The following ASTN2 variants were observed in gnomAD, a reference collection of about 807,000 sequenced individuals.
ASTN2 encodes the protein astrotactin 2, also known as astrotactin-2.
ASTN2 carries 54 observed loss-of-function variants against 139.8 expected under a neutral mutation model. The ratio of observed to expected loss-of-function variants is 0.39; its 90% CI spans 0.31 to 0.48. The LOEUF (loss-of-function observed/expected upper bound fraction) is 0.48. Among genes scored for constraint, ASTN2 ranks in the 20% least tolerant of loss-of-function variants. The pLI, the probability that ASTN2 is intolerant of heterozygous loss-of-function variation, is 0.95. For missense variants in ASTN2, 1,565 were observed against 1,725.1 expected, an observed-to-expected ratio of 0.91 and a Z score of 1.64; for synonymous variants, 756 against 719.5, an observed-to-expected ratio of 1.05 and a Z score of -0.81.
intron 13 of ASTN2, among the ~76,000 whole-genome samples, chr9:116,758,851 G>T (rs1829599512): frequency 6.6e-6 from 1 of 152,062 alleles, no homozygotes. Flanking sequence ...TGGCTTAGTG[G>T]ACACAAACAC....
chr9:117,005,092 T>TTC, intron 7 of ASTN2, among the ~76,000 whole-genome samples: 1 of 139,286 alleles, frequency 7.2e-6, no homozygotes. Flanking sequence ...TTTTTTTTTT[T>TTC]TTTTTTTTTT....
chr9:116,557,223 C>CAAAAAAAA (rs60756690), intron 19 of ASTN2, among the ~76,000 whole-genome samples: 28 of 53,586 alleles, frequency 5.2e-4, no homozygotes, highest in African/African-American at 9.7e-4. Flanking sequence ...GACTCTGTCT[C>CAAAAAAAA]AAAAAAAAAA....
chr9:116,939,708 G>A (rs1011752760), intron 10 of ASTN2, among the ~76,000 whole-genome samples: 4 of 152,140 alleles, frequency 2.6e-5, no homozygotes, highest in Non-Finnish European at 5.9e-5. Context: ...GCTAGAGAGG[G>A]AAATGAATAC....
chr9:116,924,080 A>G (rs1201483834), intron 10 of ASTN2, among the ~76,000 whole-genome samples: 2 of 152,076 alleles, frequency 1.3e-5, no homozygotes, highest in African/African-American at 4.8e-5. Context: ...AAGCAAAGTG[A>G]AAGCACGTTT....
Position 117,414,835 on chromosome 9 carries a change from A to AGCAGCG in ASTN2, c.98_103dup (p.Pro33_Leu34dup). 8.6e-7 allele frequency: 1 copy of AGCAGCG among 1,161,982 alleles called. No individual in the cohort carries two copies. The highest frequency in any genetic ancestry group is 1.1e-6 in the Non-Finnish European group (1 of 939,126). 72.0% of individuals were successfully genotyped at this position (1,161,982 alleles called of 1,614,324 possible). A position where few individuals can be genotyped will look rare whatever the true frequency, so the allele number is the denominator to read the frequency against. ...CGGCAGCAGGAGCAGGAACAGCAGC[A>AGCAGCG]GCAGCGGCAGCAGTGGCGGCGGCCC... On this transcript the variant is annotated inframe_insertion, in exon 1 of 23. Transcript: ENST00000313400. The surrounding 1 kb of genome is among the most constrained non-coding windows in gnomAD (Gnocchi z 4.2).
At chr9:116,938,111 C>T (rs2132464459) in intron 10 of ASTN2, among the ~76,000 whole-genome samples, 1 of 152,304 alleles carries the variant, frequency 6.6e-6, no homozygotes, top group Middle Eastern at 3.4e-3. Flanking sequence ...TATGAAATGA[C>T]AACTTCTTAA....
Position 117,180,591 on chromosome 9 carries a change from C to A in ASTN2, c.1015+33767G>T. The A allele has an allele frequency of 3.2e-6, 3 of 929,118 alleles. No individual in the cohort carries two copies. The South Asian group carries it at 4.6e-5, about 14-fold the overall frequency. The allele number at this position is 929,118 out of a possible 1,614,324, so 57.6% of individuals were successfully genotyped here. On this transcript the variant is annotated intron_variant, in intron 3 of 22. Transcript: ENST00000313400. The stretch of plus-strand genomic sequence containing the variant: ...AATCATTTATTGACTGCTTACTATG[C>A]ACCGAGCACCATTCTAAACAACTGA...
intron 10 of ASTN2, among the ~76,000 whole-genome samples, chr9:116,871,451 T>C (rs925538960): frequency 6.6e-6 from 1 of 152,170 alleles, no homozygotes; most frequent in Non-Finnish European, 1.5e-5. Context: ...CCTGCCTCTA[T>C]CATAAGTCCC....
intron 16 of ASTN2, 88 bp downstream of exon 16, chr9:116,725,683 T>G (rs567604429): frequency 2.2e-6 from 3 of 1,366,588 alleles, no homozygotes; most frequent in Non-Finnish European, 3.0e-6. Context: ...AGCCAGGATT[T>G]AGATCCAAGG....
intron 7 of ASTN2, among the ~76,000 whole-genome samples, chr9:116,997,576 G>C (rs1042737741): frequency 2.6e-5 from 4 of 152,074 alleles, no homozygotes; most frequent in African/African-American, 9.7e-5. Context: ...GGGAATCCCA[G>C]AATGCCTCTC....
intron 22 of ASTN2, among the ~76,000 whole-genome samples, chr9:116,427,585 T>C (rs1847348007): frequency 6.6e-6 from 1 of 152,242 alleles, no homozygotes. Context: ...GTCCCTCTGA[T>C]ACCACAGGAG....
intron 1 of ASTN2, among the ~76,000 whole-genome samples, chr9:117,376,393 C>T (rs918792100): frequency 2.6e-5 from 4 of 152,150 alleles, no homozygotes; most frequent in African/African-American, 9.7e-5. Context: ...AACCATTTGG[C>T]ACTTTCAAAT....
chr9:117,329,440 G>A (rs1353322608), intron 1 of ASTN2, among the ~76,000 whole-genome samples: 1 of 151,992 alleles, frequency 6.6e-6, no homozygotes, highest in African/African-American at 2.4e-5. Flanking sequence ...AAAGGAAAGA[G>A]GGAGAGGAGA....
At chr9:117,220,360 A>C (rs2133035353) in intron 2 of ASTN2, among the ~76,000 whole-genome samples, 1 of 152,108 alleles carries the variant, frequency 6.6e-6, no homozygotes, top group South Asian at 2.1e-4. Flanking sequence ...GGCATCCTCC[A>C]AAGTGTGATG....
chr9:116,626,689 G>C (rs1337403819), intron 17 of ASTN2, among the ~76,000 whole-genome samples: 1 of 152,068 alleles, frequency 6.6e-6, no homozygotes. Flanking sequence ...AAGCTTCTAA[G>C]GCCTAGAAAG....
chr9:116,649,467 C>T (rs370223550), intron 17 of ASTN2, among the ~76,000 whole-genome samples: 13 of 149,558 alleles, frequency 8.7e-5, no homozygotes, highest in African/African-American at 1.7e-4. Context: ...CCAGCTACTC[C>T]GGAGGCTGAG....
chr9:117,093,531 A>C (rs1828758842), intron 5 of ASTN2, among the ~76,000 whole-genome samples: 1 of 152,106 alleles, frequency 6.6e-6, no homozygotes, highest in Non-Finnish European at 1.5e-5. Context: ...TATATCACCA[A>C]GGGCTCCTGG....
chr9:116,435,324 T>G (rs1473288290), intron 22 of ASTN2, among the ~76,000 whole-genome samples: 3 of 152,204 alleles, frequency 2.0e-5, no homozygotes, highest in African/African-American at 7.2e-5. Flanking sequence ...TTATTTACAC[T>G]GTGATGTTCT....
chr9:116,723,369 G>A (rs1828527281), intron 16 of ASTN2, among the ~76,000 whole-genome samples: 2 of 152,062 alleles, frequency 1.3e-5, no homozygotes, highest in South Asian at 4.2e-4. Context: ...TTTAACACAT[G>A]AGGAAACTGA....
Sources: gnomAD v4.1 joint callset for allele counts (sites outside exome capture counted in the v4.1 genomes callset) on GRCh38, gnomAD v4.1.1 for gene constraint, Gnocchi (gnomAD v3.1) non-coding constraint, MANE v1.5 for transcripts, NCBI Gene and HGNC (gene_info 2026-07-23, HGNC 2026-07-21) for gene names.